Variants in PPARGC1A observed in about 807,000 individuals in gnomAD.
PPARGC1A encodes the protein peroxisome proliferator-activated receptor gamma coactivator 1-alpha.
In PPARGC1A, 25 loss-of-function variants were observed where a neutral mutation model predicts 88.7. The ratio of observed to expected loss-of-function variants is 0.28; its 90% CI spans 0.21 to 0.39. The LOEUF (loss-of-function observed/expected upper bound fraction) is 0.39. Among genes scored for constraint, PPARGC1A ranks in the 10% least tolerant of loss-of-function variants. The pLI is 1.00. For missense variants in PPARGC1A, 880 were observed against 968.7 expected (o/e 0.91, Z 1.22); for synonymous variants, 363 against 355.6 (o/e 1.02, Z -0.24).
the PPARGC1A span, among the ~76,000 whole-genome samples, chr4:24,100,180 C>T: frequency 6.6e-6 from 1 of 152,080 alleles, no homozygotes; most frequent in Non-Finnish European, 1.5e-5. Flanking sequence ...ATTTTATTTT[C>T]ATTTTAACAA....
At chr4:24,168,220 C>T in the PPARGC1A span, among the ~76,000 whole-genome samples, 1 of 151,984 alleles carries the variant, frequency 6.6e-6, no homozygotes, top group Non-Finnish European at 1.5e-5. Flanking sequence ...TGGTCTGAGA[C>T]CGAATCTGCA....
At chr4:24,250,157 T>G in the PPARGC1A span, among the ~76,000 whole-genome samples, 2 of 152,198 alleles carry the variant, frequency 1.3e-5, no homozygotes, top group South Asian at 2.1e-4. Context: ...ACACTGCAGA[T>G]GTAGAGCCTG....
chr4:24,263,602 C>A, the PPARGC1A span, among the ~76,000 whole-genome samples: 11 of 152,230 alleles, frequency 7.2e-5, no homozygotes, highest in African/African-American at 2.6e-4. Context: ...TCCACCTTGT[C>A]CATCTCCACT....
the PPARGC1A span, among the ~76,000 whole-genome samples, chr4:24,326,517 C>G: frequency 1.3e-5 from 2 of 152,222 alleles, no homozygotes; most frequent in Non-Finnish European, 2.9e-5. Flanking sequence ...TTCGCTTTCA[C>G]TTGGACTGAC....
At chr4:24,343,085 C>T in the PPARGC1A span, among the ~76,000 whole-genome samples, 1 of 152,192 alleles carries the variant, frequency 6.6e-6, no homozygotes, top group Non-Finnish European at 1.5e-5. Context: ...CAGAATAGAA[C>T]GTTTCAAAAT....
the PPARGC1A span, among the ~76,000 whole-genome samples, chr4:24,103,445 G>T: frequency 1.3e-5 from 2 of 152,116 alleles, no homozygotes; most frequent in East Asian, 1.9e-4. Context: ...ATACAGAAAA[G>T]CACGAAAGAG....
chr4:24,426,899 G>T, the PPARGC1A span, among the ~76,000 whole-genome samples: 1 of 152,182 alleles, frequency 6.6e-6, no homozygotes, highest in Non-Finnish European at 1.5e-5. Flanking sequence ...TAAGGCAGGT[G>T]AATGTTTTTA....
the PPARGC1A span, among the ~76,000 whole-genome samples, chr4:24,368,925 G>A: frequency 6.6e-6 from 1 of 152,064 alleles, no homozygotes; most frequent in Non-Finnish European, 1.5e-5. Context: ...CCTTTGAAAT[G>A]AGCAGACACA....
intron 2 of PPARGC1A, among the ~76,000 whole-genome samples, chr4:23,876,806 C>A (rs1316001115): frequency 6.6e-6 from 1 of 151,386 alleles, no homozygotes; most frequent in African/African-American, 2.4e-5. Flanking sequence ...CCCTAACCCC[C>A]AAAAAAAGAA....
At chr4:23,864,302 C>T (rs917945657) in intron 2 of PPARGC1A, among the ~76,000 whole-genome samples, 1 of 152,186 alleles carries the variant, frequency 6.6e-6, no homozygotes, top group Non-Finnish European at 1.5e-5. Context: ...ATTGTGTCAC[C>T]CGGGTAAGTC....
At chr4:24,106,131 T>C in the PPARGC1A span, among the ~76,000 whole-genome samples, 2 of 152,164 alleles carry the variant, frequency 1.3e-5, no homozygotes, top group Non-Finnish European at 2.9e-5. Flanking sequence ...CACACCTAGT[T>C]AGATCCTGCC....
the PPARGC1A span, among the ~76,000 whole-genome samples, chr4:24,329,119 G>A: frequency 5.4e-5 from 8 of 147,074 alleles, no homozygotes; most frequent in Non-Finnish European, 1.1e-4. Context: ...GGAGCAGAGT[G>A]GGCAGCTTTT....
the PPARGC1A span, among the ~76,000 whole-genome samples, chr4:24,318,642 G>A: frequency 2.0e-5 from 3 of 152,180 alleles, no homozygotes; most frequent in Non-Finnish European, 4.4e-5. Flanking sequence ...ACTGAAAAAA[G>A]CACAGAAAAG....
chr4:24,123,456 T>A, the PPARGC1A span, among the ~76,000 whole-genome samples: 5 of 152,140 alleles, frequency 3.3e-5, no homozygotes, highest in Non-Finnish European at 7.4e-5. Context: ...TTATTCATTG[T>A]GAATAGTATG....
intron 1 of PPARGC1A, among the ~76,000 whole-genome samples, chr4:23,885,907 A>G (rs1265788717): frequency 6.6e-6 from 1 of 152,178 alleles, no homozygotes; most frequent in African/African-American, 2.4e-5. Flanking sequence ...AGATTGTCAA[A>G]GCATTTCATC....
intron 2 of PPARGC1A, among the ~76,000 whole-genome samples, chr4:23,831,958 CT>C (rs1180438458): frequency 2.0e-5 from 3 of 152,098 alleles, no homozygotes; most frequent in African/African-American, 7.2e-5. Context: ...CTACTAATCT[CT>C]GATGGTTGAG....
the PPARGC1A span, among the ~76,000 whole-genome samples, chr4:23,913,257 T>TAGAGAG: frequency 2.2e-5 from 1 of 46,104 alleles, no homozygotes; most frequent in Non-Finnish European, 4.2e-5. Flanking sequence ...TATATATATA[T>TAGAGAG]ATATATATAT....
At chr4:24,331,786 T>TATA in the PPARGC1A span, among the ~76,000 whole-genome samples, 1 of 149,446 alleles carries the variant, frequency 6.7e-6, no homozygotes, top group African/African-American at 2.5e-5. Flanking sequence ...TATATATATA[T>TATA]TTTAAGTTCT....
chr4:24,319,850 C>T, the PPARGC1A span, among the ~76,000 whole-genome samples: 5 of 152,286 alleles, frequency 3.3e-5, no homozygotes, highest in Admixed American at 2.0e-4. Context: ...CTCTAAAGTA[C>T]CTCTTTCTGT....
Sources: allele counts gnomAD v4.1 joint callset (sites outside exome capture counted in the v4.1 genomes callset), GRCh38; gene constraint gnomAD v4.1.1; transcripts MANE v1.5; gene names NCBI Gene and HGNC (gene_info 2026-07-23, HGNC 2026-07-21).